LARGE1: variants seen among roughly 807,000 people sequenced by gnomAD.
LARGE1 encodes LARGE xylosyl- and glucuronyltransferase 1, also known as xylosyl- and glucuronyltransferase LARGE1.
Under a neutral mutation model 87.6 loss-of-function variants are expected in LARGE1, and 43 were observed. The ratio of observed to expected loss-of-function variants is 0.49; its 90% confidence interval spans 0.38 to 0.63. The LOEUF is 0.63. Ranked by LOEUF, LARGE1 falls within the 30% of genes least tolerant of loss-of-function variation. The pLI is 0.00. For synonymous variants in LARGE1, 434 were observed against 394.6 expected (o/e 1.10, Z -1.18); for missense variants, 802 against 1,000.2 (o/e 0.80, Z 2.67).
intron 1 of LARGE1, among the ~76,000 whole-genome samples, chr22:33,900,841 G>A (rs955164896): frequency 2.6e-5 from 4 of 152,220 alleles, no homozygotes; most frequent in Admixed American, 6.5e-5. Context: ...GAGGTGAGGA[G>A]TTCAAGACTA....
chr22:33,891,043 G>A (rs2064993278), intron 1 of LARGE1, among the ~76,000 whole-genome samples: 1 of 143,686 alleles, frequency 7.0e-6, no homozygotes, highest in South Asian at 2.1e-4. Context: ...GCTGCATACG[G>A]TTCTGTGCAT....
Position 33,740,755 on chromosome 22 carries a change from C to T in LARGE1, c.106+20616G>A, listed in dbSNP as rs547220745. 2.6e-5 allele frequency among the ~76,000 whole-genome samples: 4 copies of T among 152,310 alleles called. No homozygotes were observed. The East Asian group carries it at 7.7e-4, about 29-fold the overall frequency. On this transcript the variant is annotated intron_variant, in intron 2 of 14. Coordinates refer to ENST00000397394, the MANE Select transcript of LARGE1 (RefSeq NM_133642.5). ...CTATGGAGACCTTGAAGTCCTGCAA[C>T]CTGCTCAAAAGCCACAAGATCATTC...
At chr22:33,226,727 TTTA>T (rs1021383673) in intron 11 of LARGE1, among the ~76,000 whole-genome samples, 1 of 109,572 alleles carries the variant, frequency 9.1e-6, no homozygotes, top group African/African-American at 4.6e-5. Context: ...ATTATTATTA[TTTA>T]TTATTATTTT....
chr22:33,100,574 A>G, the LARGE1 span, among the ~76,000 whole-genome samples: 1 of 152,118 alleles, frequency 6.6e-6, no homozygotes, highest in Non-Finnish European at 1.5e-5. Flanking sequence ...ACTGGTTTAG[A>G]TAATATTTTT....
Position 33,462,671 on chromosome 22 carries a change from C to G in LARGE1, c.788-30406G>C, listed in dbSNP as rs569912634. On this transcript the variant is annotated intron_variant, in intron 6 of 14. Transcript: ENST00000397394. ...TGGCATGTGCCCATAATCCCAGCTA[C>G]TCAGGAGGCTGAGGCAGGATAATTG... Among the ~76,000 whole-genome samples, 579 of 152,244 alleles carry G rather than the reference C, an allele frequency of 3.8e-3. 7 individuals carry two copies. Among genetic ancestry groups the G allele is most frequent in the African/African-American group, 0.013 (558 of 41,548 alleles).
intron 9 of LARGE1, among the ~76,000 whole-genome samples, chr22:33,370,196 C>A (rs765325065): frequency 7.2e-5 from 11 of 151,982 alleles, no homozygotes; most frequent in Non-Finnish European, 1.5e-4. Context: ...CTCTTTCCAG[C>A]ATAAAAACTG....
chr22:33,639,278 G>A (rs763885810), intron 3 of LARGE1, among the ~76,000 whole-genome samples: 9 of 152,152 alleles, frequency 5.9e-5, no homozygotes, highest in Non-Finnish European at 8.8e-5. Flanking sequence ...TTCCAGCATT[G>A]TACTGTTCCA....
At chr22:33,822,841 G>A (rs537779298) in intron 1 of LARGE1, among the ~76,000 whole-genome samples, 1 of 152,342 alleles carries the variant, frequency 6.6e-6, no homozygotes, top group East Asian at 1.9e-4. Flanking sequence ...GCGCCTGGAA[G>A]TGAGCAGTGG....
At chr22:33,443,873 G>A (rs111818831) in intron 6 of LARGE1, among the ~76,000 whole-genome samples, 3 of 152,250 alleles carry the variant, frequency 2.0e-5, no homozygotes, top group African/African-American at 4.8e-5. Context: ...CTCCCAGGAC[G>A]CATGGCTGCC....
At chr22:33,227,259 T>C (rs1602118371) in intron 11 of LARGE1, among the ~76,000 whole-genome samples, 3 of 152,142 alleles carry the variant, frequency 2.0e-5, no homozygotes. Context: ...TTACAGCAGG[T>C]CATTTGGCTC....
intron 1 of LARGE1, among the ~76,000 whole-genome samples, chr22:33,906,151 T>C (rs1054215818): frequency 1.4e-4 from 21 of 151,776 alleles, no homozygotes; most frequent in African/African-American, 5.1e-4. Flanking sequence ...AATTGATTAA[T>C]TAAATAAAAA....
intron 7 of LARGE1, among the ~76,000 whole-genome samples, chr22:33,429,617 G>A (rs1277800843): frequency 1.3e-5 from 2 of 152,086 alleles, no homozygotes; most frequent in Non-Finnish European, 1.5e-5. Flanking sequence ...TCTTGATGCA[G>A]CATCCCTGAG....
intron 4 of LARGE1, among the ~76,000 whole-genome samples, chr22:33,612,523 T>C (rs554893073): frequency 4.5e-4 from 68 of 152,332 alleles, no homozygotes; most frequent in African/African-American, 1.5e-3. Flanking sequence ...CAATCCCCTC[T>C]ATATACCAAG....
chr22:33,713,972 G>GTAACGTAACATAACA (rs1426662781), intron 2 of LARGE1, among the ~76,000 whole-genome samples: 10 of 119,766 alleles, frequency 8.3e-5, no homozygotes, highest in East Asian at 7.5e-4. Flanking sequence ...AGTAAATAAC[G>GTAACGTAACATAACA]TAACATAACG....
chr22:33,507,637 G>A (rs781721267), intron 6 of LARGE1, among the ~76,000 whole-genome samples: 6 of 152,140 alleles, frequency 3.9e-5, no homozygotes, highest in Non-Finnish European at 7.3e-5. Flanking sequence ...GGATGGTGGC[G>A]ATGGTTGTAC....
chr22:33,766,339 T>G (rs1283539870), intron 1 of LARGE1, among the ~76,000 whole-genome samples: 1 of 152,160 alleles, frequency 6.6e-6, no homozygotes, highest in Admixed American at 6.5e-5. Context: ...CCTAAACATG[T>G]ACTCCATCTG....
chr22:33,570,037 A>T (rs182670038), intron 5 of LARGE1, among the ~76,000 whole-genome samples: 1 of 152,204 alleles, frequency 6.6e-6, no homozygotes. Flanking sequence ...GAAGAGGCAT[A>T]GTTTGTTGAG....
intron 2 of LARGE1, among the ~76,000 whole-genome samples, chr22:33,663,724 T>C (rs1242473797): frequency 1.3e-5 from 2 of 152,208 alleles, no homozygotes; most frequent in Non-Finnish European, 2.9e-5. Context: ...CTGCACTTTA[T>C]ACTTCCATCT....
At chr22:33,808,293 C>A (rs2086378639) in intron 1 of LARGE1, among the ~76,000 whole-genome samples, 1 of 152,178 alleles carries the variant, frequency 6.6e-6, no homozygotes, top group Admixed American at 6.5e-5. Flanking sequence ...CTGCCATCTG[C>A]ATATTTTCTT....
Sources: gnomAD v4.1 joint callset for allele counts (sites outside exome capture counted in the v4.1 genomes callset) on GRCh38, gnomAD v4.1.1 for gene constraint, MANE v1.5 for transcripts, NCBI Gene and HGNC (gene_info 2026-07-23, HGNC 2026-07-21) for gene names.